Variants in GRID2 observed in about 807,000 individuals in gnomAD.
GRID2 encodes the protein glutamate receptor ionotropic, delta-2.
Under a neutral mutation model 114.8 loss-of-function variants are expected in GRID2, and 33 were observed. The ratio of observed to expected loss-of-function variants is 0.29; its 90% confidence interval spans 0.22 to 0.38. The LOEUF is 0.38. GRID2 is among the 10% of genes least tolerant of loss of function. The pLI, the probability that GRID2 is intolerant of heterozygous loss-of-function variation, is 1.00. For missense variants in GRID2, 1,184 were observed against 1,257.7 expected, an observed-to-expected ratio of 0.94 and a Z score of 0.89; for synonymous variants, 505 against 449.9, an observed-to-expected ratio of 1.12 and a Z score of -1.55.
chr4:93,517,727 G>A (rs1729870296), intron 13 of GRID2, among the ~76,000 whole-genome samples: 1 of 151,694 alleles, frequency 6.6e-6, no homozygotes, highest in African/African-American at 2.4e-5. Context: ...TGTGGTTGTG[G>A]ATTCTTATTC....
chr4:92,678,959 G>A (rs1300305206), intron 2 of GRID2, among the ~76,000 whole-genome samples: 3 of 149,058 alleles, frequency 2.0e-5, no homozygotes, highest in East Asian at 2.0e-4. Context: ...ACATCTCTCC[G>A]ACTGCAAATA....
chr4:92,581,010 A>T (rs183565479), intron 1 of GRID2, among the ~76,000 whole-genome samples: 92 of 151,778 alleles, frequency 6.1e-4, no homozygotes, highest in African/African-American at 2.2e-3. Flanking sequence ...GAATTTTGTA[A>T]TAATAGGATA....
chr4:92,653,771 A>G (rs1732096519), intron 2 of GRID2, among the ~76,000 whole-genome samples: 1 of 152,112 alleles, frequency 6.6e-6, no homozygotes, highest in African/African-American at 2.4e-5. Flanking sequence ...CATAGCTTCC[A>G]TTCTTACAGT....
At chr4:93,403,531 TAAAC>T (rs1004935580) in intron 9 of GRID2, among the ~76,000 whole-genome samples, 77 of 152,020 alleles carry the variant, frequency 5.1e-4, no homozygotes, top group African/African-American at 1.9e-3. Flanking sequence ...TGAAGAAATA[TAAAC>T]AAAATTAAAA....
At chr4:93,671,339 G>A (rs947580749) in intron 14 of GRID2, among the ~76,000 whole-genome samples, 17 of 152,146 alleles carry the variant, frequency 1.1e-4, no homozygotes, top group Admixed American at 1.1e-3. Flanking sequence ...ACCCAAAAGG[G>A]TTTTTTCCCC....
intron 13 of GRID2, among the ~76,000 whole-genome samples, chr4:93,546,208 G>A (rs985250141): frequency 6.6e-6 from 1 of 152,228 alleles, no homozygotes; most frequent in Non-Finnish European, 1.5e-5. Context: ...GTTTGGAGGA[G>A]TGAACTAAGA....
rs1734164776 is a variant in GRID2 at position 93,772,210 on chromosome 4, A to C, written c.2736A>C (p.Thr912=). The C allele has an allele frequency of 3.7e-6, 6 of 1,614,026 alleles. No homozygotes were observed. The highest frequency in any genetic ancestry group is 1.7e-5 in the Admixed American group (1 of 60,004). ...CTCTGGACATTGACACTTTGCCAAC[A>C]CGACAAGCACTGGAGCAAATCAGTG... The part of the protein sequence containing the change: ...LTPLDIDTLP[T]RQALEQISDF... The change falls in exon 16 of 16, where the codon ACA becomes ACC. Residue 912 remains threonine, a synonymous_variant. Transcript: ENST00000282020.
chr4:93,126,797 C>T (rs994145633), intron 4 of GRID2, among the ~76,000 whole-genome samples: 2 of 151,338 alleles, frequency 1.3e-5, no homozygotes, highest in Admixed American at 1.3e-4. Context: ...CGGGGTTTCA[C>T]CGTGTTAGCC....
chr4:92,668,041 C>A (rs1732875406), intron 2 of GRID2, among the ~76,000 whole-genome samples: 1 of 151,718 alleles, frequency 6.6e-6, no homozygotes, highest in Admixed American at 6.6e-5. Flanking sequence ...CTTATCCTTT[C>A]CTGATCATTA....
chr4:93,780,397 A>T (rs1375438429), intron 1 of GRID2, among the ~76,000 whole-genome samples: 2 of 152,196 alleles, frequency 1.3e-5, no homozygotes, highest in Non-Finnish European at 2.9e-5. Context: ...GGAATGAGTG[A>T]TAGGAGAAGG....
At chr4:93,009,403 C>G (rs755982354) in intron 2 of GRID2, among the ~76,000 whole-genome samples, 4 of 152,120 alleles carry the variant, frequency 2.6e-5, no homozygotes, top group Non-Finnish European at 5.9e-5. Flanking sequence ...ACACCAACCT[C>G]ACCATCAGGA....
At chr4:93,567,399 G>T (rs1253508805) in intron 13 of GRID2, among the ~76,000 whole-genome samples, 1 of 152,150 alleles carries the variant, frequency 6.6e-6, no homozygotes, top group African/African-American at 2.4e-5. Flanking sequence ...TCAAAGCAAG[G>T]AAGTTTCCAA....
At chr4:93,429,238 C>T (rs1452862328) in intron 10 of GRID2, among the ~76,000 whole-genome samples, 2 of 152,138 alleles carry the variant, frequency 1.3e-5, no homozygotes, top group African/African-American at 4.8e-5. Context: ...CCTGGGAAAT[C>T]TGGTTTGCAG....
intron 4 of GRID2, among the ~76,000 whole-genome samples, chr4:93,187,981 A>C (rs1027528746): frequency 1.3e-5 from 2 of 151,250 alleles, no homozygotes; most frequent in African/African-American, 2.4e-5. Flanking sequence ...GAATACAACC[A>C]GTATTGCAGC....
intron 2 of GRID2, among the ~76,000 whole-genome samples, chr4:92,879,433 T>C (rs902377125): frequency 2.0e-5 from 3 of 152,198 alleles, no homozygotes; most frequent in Admixed American, 2.0e-4. Flanking sequence ...ACATTAGCCC[T>C]AATAAGTGCT....
At chr4:92,506,635 T>C (rs1361851887) in intron 1 of GRID2, among the ~76,000 whole-genome samples, 1 of 151,960 alleles carries the variant, frequency 6.6e-6, no homozygotes, top group East Asian at 1.9e-4. Context: ...AAAATGATTT[T>C]CTGGCATGTA....
At chr4:92,483,549 T>C (rs1374682311) in intron 1 of GRID2, among the ~76,000 whole-genome samples, 1 of 152,134 alleles carries the variant, frequency 6.6e-6, no homozygotes, top group Non-Finnish European at 1.5e-5. Context: ...TAAATATCAC[T>C]GGGACGATCA....
At chr4:92,331,999 G>T (rs1312368709) in intron 1 of GRID2, among the ~76,000 whole-genome samples, 1 of 152,194 alleles carries the variant, frequency 6.6e-6, no homozygotes, top group African/African-American at 2.4e-5. Flanking sequence ...GTCAGTGGTA[G>T]TTGGTAAGGG....
chr4:93,048,617 G>C (rs1372168755), intron 2 of GRID2, among the ~76,000 whole-genome samples: 2 of 152,026 alleles, frequency 1.3e-5, no homozygotes, highest in Non-Finnish European at 2.9e-5. Context: ...TGAAAGTAAA[G>C]CTGCAGAAAA....
Sources: gnomAD v4.1 joint callset for allele counts (sites outside exome capture counted in the v4.1 genomes callset) on GRCh38, gnomAD v4.1.1 for gene constraint, MANE v1.5 for transcripts, NCBI Gene and HGNC (gene_info 2026-07-23, HGNC 2026-07-21) for gene names.